The following CNTROB variants were observed in gnomAD, a reference collection of about 807,000 sequenced individuals.
CNTROB encodes centrobin, centriole duplication and spindle assembly protein.
In CNTROB, 82 loss-of-function variants were observed where a neutral mutation model predicts 115.7. The ratio of observed to expected loss-of-function variants is 0.71; its 90% CI spans 0.59 to 0.85. The LOEUF (loss-of-function observed/expected upper bound fraction) is 0.85. Among genes scored for constraint, CNTROB ranks in the 40% least tolerant of loss-of-function variants. The pLI is 0.00. For synonymous variants in CNTROB, 439 were observed against 456.4 expected (o/e 0.96, Z 0.49); for missense variants, 1,014 against 1,144.4 (o/e 0.89, Z 1.64).
At position 7,934,547 on chromosome 17, in the gene CNTROB, G is replaced by T. The variant is rs771681131; in HGVS notation, c.437+1G>T. On this transcript the variant is annotated splice_donor_variant, in intron 3 of 18. Coordinates refer to ENST00000563694, the MANE Select transcript of CNTROB (RefSeq NM_053051.5). LOFTEE classifies it high-confidence loss of function. Reference sequence around the variant, plus strand: ...GTGATAGCACAGCCACCTTGCTCAAGTGAGTTCTCCTTGTGGTTCTCCTAG... The same window carrying T: ...GTGATAGCACAGCCACCTTGCTCAATTGAGTTCTCCTTGTGGTTCTCCTAG... 50 of 1,612,278 alleles carry T rather than the reference G, an allele frequency of 3.1e-5. No homozygotes were observed. The highest frequency in any genetic ancestry group is 4.2e-5 in the Non-Finnish European group (50 of 1,178,432).
intron 1 of CNTROB, 140 bp downstream of exon 1, chr17:7,933,489 G>A (rs1231672588): frequency 3.3e-6 from 3 of 922,214 alleles, no homozygotes; most frequent in Admixed American, 6.0e-5. Flanking sequence ...TGCATAGGCA[G>A]CCATGCTTAT....
In CNTROB at chr17:7,940,228, A is replaced by G. The variant is rs1205317655; in HGVS notation, c.1297A>G (p.Met433Val). The G allele has an allele frequency of 1.2e-6, 2 of 1,608,976 alleles. No homozygotes were observed. Among genetic ancestry groups the G allele is most frequent in the South Asian group, 1.1e-5 (1 of 90,632 alleles). Residue 433 changes from methionine to valine, a missense_variant, in exon 9 of 19, where the codon ATG becomes GTG. Met to Val is a conservative substitution (Grantham distance 21, BLOSUM62 1). Coordinates refer to ENST00000563694, the MANE Select transcript of CNTROB (RefSeq NM_053051.5). ...AGAGAGAGATGCCCTGCAGCTGGAA[A>G]TGAGCTTGGTGCAGGTCAGAAGGCA... ...RRERDALQLE[M>V]SLVQARYESQ...
At chr17:7,936,624 G>T (rs1973213243) in intron 5 of CNTROB, 77 bp from the exon 6 acceptor site, 1 of 805,970 alleles carries the variant, frequency 1.2e-6, no homozygotes, top group Admixed American at 1.7e-5. Context: ...GGAGAAGATG[G>T]CTGTTGACCC....
rs1055022678 is a variant in CNTROB at position 7,936,442 on chromosome 17, C to T, written c.671C>T (p.Ala224Val). The change falls in exon 5 of 19, where the codon GCC becomes GTC. Residue 224 changes from alanine to valine, a missense_variant. Ala to Val is a moderately conservative substitution (Grantham distance 64). Transcript: ENST00000563694. Reference protein sequence around the residue: ...LQQQLAVAVAADRKKDTMIEQ... With the variant: ...LQQQLAVAVAVDRKKDTMIEQ... Reference sequence around the variant, plus strand: ...CAACAATTAGCCGTGGCTGTGGCTGCCGACCGCAAGAAAGATACCATGATT... The same window carrying T: ...CAACAATTAGCCGTGGCTGTGGCTGTCGACCGCAAGAAAGATACCATGATT... The T allele has an allele frequency of 6.4e-7, 1 of 1,557,720 alleles. No individual in the cohort carries two copies. The highest frequency in any genetic ancestry group is 2.2e-5 in the East Asian group (1 of 44,612).
chr17:7,939,609 C>T lies in CNTROB; in HGVS notation c.1024C>T (p.Leu342=). The T allele has an allele frequency of 6.2e-7, 1 of 1,613,974 alleles. No homozygotes were observed. The highest frequency in any genetic ancestry group is 1.1e-5 in the South Asian group (1 of 91,082). ...EERDAARAGQ[L]SEHRELETLR... is the part of the protein sequence containing the mutation. Reference sequence around the variant, plus strand: ...GCGGGATGCAGCTCGGGCTGGGCAACTGAGTGAGCATCGAGAGTTGGAGAC... The same window carrying T: ...GCGGGATGCAGCTCGGGCTGGGCAATTGAGTGAGCATCGAGAGTTGGAGAC... The change falls in exon 8 of 19, where the codon CTG becomes TTG. Residue 342 remains leucine, a synonymous_variant. Transcript: ENST00000563694. This position sits in a 1 kb window ranked among gnomAD's most constrained non-coding sequence, Gnocchi z 4.4.
chr17:7,942,911 C>T (rs1238478611), intron 9 of CNTROB, among the ~76,000 whole-genome samples: 3 of 145,268 alleles, frequency 2.1e-5, no homozygotes, highest in Admixed American at 7.2e-5. Context: ...ATGCCATTCT[C>T]CTGCCTCAGC....
intron 13 of CNTROB, among the ~76,000 whole-genome samples, 188 bp from the exon 14 acceptor site, chr17:7,947,383 C>T (rs1408673933): frequency 6.6e-6 from 1 of 152,140 alleles, no homozygotes; most frequent in Non-Finnish European, 1.5e-5. Flanking sequence ...GCTGTGCCAT[C>T]TCTCAGTCAC....
At chr17:7,937,674 A>G (rs1200946070) in intron 7 of CNTROB, among the ~76,000 whole-genome samples, 1 of 152,084 alleles carries the variant, frequency 6.6e-6, no homozygotes, top group Non-Finnish European at 1.5e-5. Flanking sequence ...ATGGTGGTGC[A>G]TGCCTGTAGT....
chr17:7,947,175 A>AG lies in CNTROB; in HGVS notation c.1994-396_1994-395insG, dbSNP rs1555629474. ...GACTCCATCTCAAAAAAAAAAAAAA[A>AG]AAGAGAGATTAGTTGTAGCACAATT... On this transcript the variant is annotated intron_variant, in intron 13 of 18. Coordinates refer to ENST00000563694, the MANE Select transcript of CNTROB (RefSeq NM_053051.5). Among the ~76,000 whole-genome samples, 171 of 57,062 alleles carry AG rather than the reference A, an allele frequency of 3.0e-3. 4 individuals are homozygous for AG. The highest frequency in any genetic ancestry group is 9.2e-3 in the South Asian group (5 of 544). 37.4% of individuals were successfully genotyped at this position (57,062 alleles called of 152,430 possible). A position where few individuals can be genotyped will look rare whatever the true frequency, so the allele number is the denominator to read the frequency against.
Position 7,949,490 on chromosome 17 carries a change from C to G in CNTROB, c.2692C>G (p.Arg898Gly). 6.2e-7 allele frequency: 1 copy of G among 1,613,108 alleles called. No individual in the cohort carries two copies. The highest frequency in any genetic ancestry group is 8.5e-7 in the Non-Finnish European group (1 of 1,179,472). Reference protein sequence around the residue: ...GHPAPSSMRSRGGVWR With the variant: ...GHPAPSSMRSGGGVWR ...CCCTGCCCCGAGTAGCATGAGGAGC[C>G]GGGGGGGAGTCTGGAGATGAGCCCC... Residue 898 changes from arginine (R) to glycine (G), a missense_variant, in exon 19 of 19, where the codon CGG becomes GGG. Transcript: ENST00000563694.
Position 7,945,711 on chromosome 17 carries a change from G to C in CNTROB, c.1735-17G>C. Reference sequence around the variant, plus strand: ...CTACTGTGCTTTGACCCTTCTTTCTGCCTCTCTCCTGGTCAGGCTCCTCCT... The same window carrying C: ...CTACTGTGCTTTGACCCTTCTTTCTCCCTCTCTCCTGGTCAGGCTCCTCCT... On this transcript the variant is annotated splice_polypyrimidine_tract_variant and intron_variant, in intron 12 of 18. Coordinates refer to ENST00000563694, the MANE Select transcript of CNTROB (RefSeq NM_053051.5). 6.2e-7 allele frequency: 1 copy of C among 1,610,136 alleles called. No individual in the cohort carries two copies. Among genetic ancestry groups the C allele is most frequent in the African/African-American group, 1.3e-5 (1 of 74,814 alleles).
At chr17:7,933,483 T>G in intron 1 of CNTROB, 134 bp downstream of exon 1, 1 of 946,422 alleles carries the variant, frequency 1.1e-6, no homozygotes, top group Non-Finnish European at 1.5e-6. Context: ...TTTAACTGCA[T>G]AGGCAGCCAT....
chr17:7,943,464 G>A lies in CNTROB; in HGVS notation c.1385G>A (p.Arg462Gln), dbSNP rs754330618. The change falls in exon 10 of 19, where the codon CGG becomes CAG. Residue 462 changes from arginine to glutamine, a missense_variant. Transcript: ENST00000563694. The surrounding 1 kb of genome is among the most constrained non-coding windows in gnomAD (Gnocchi z 4.7). ...CAGCTGGAGCAGCGGGTGACAGAGC[G>A]GCTGGCGCAGGCTCAGGAGAGCAGC... The part of the protein sequence containing the change: ...AVQLEQRVTE[R>Q]LAQAQESSLR... 1.9e-5 allele frequency: 31 copies of A among 1,613,606 alleles called. No individual in the cohort carries two copies. The highest frequency in any genetic ancestry group is 4.5e-5 in the East Asian group (2 of 44,886).
chr17:7,945,863 C>G lies in CNTROB; in HGVS notation c.1870C>G (p.Pro624Ala). 6.2e-7 allele frequency: 1 copy of G among 1,614,198 alleles called. No homozygotes were observed. Among genetic ancestry groups the G allele is most frequent in the Non-Finnish European group, 8.5e-7 (1 of 1,180,030 alleles). Residue 624 changes from proline (P) to alanine (A), a missense_variant, in exon 13 of 19, where the codon CCT becomes GCT. Coordinates refer to ENST00000563694, the MANE Select transcript of CNTROB (RefSeq NM_053051.5). ...GAGCCGGGAAGCAAGGGACGAGCTA[C>G]CTGGAGCGCCTCCTGTTCTTTGCAG... ...QQSREARDEL[P>A]GAPPVLCSSS...
intron 13 of CNTROB, 142 bp downstream of exon 13, chr17:7,946,128 T>A (rs1416331989): frequency 4.1e-6 from 3 of 724,356 alleles, no homozygotes; most frequent in Non-Finnish European, 4.7e-6. Flanking sequence ...AGCAGAAATC[T>A]GCTCACATTG....
At chr17:7,935,284 A>ACGAGGTCACG in intron 4 of CNTROB, 139 bp downstream of exon 4, 1 of 1,317,504 alleles carries the variant, frequency 7.6e-7, no homozygotes, top group Non-Finnish European at 1.1e-6. Flanking sequence ...CAGGCGGATC[A>ACGAGGTCACG]CGAGGTCAGG....
chr17:7,942,133 G>T lies in CNTROB; in HGVS notation c.1312-1258G>T, dbSNP rs1973951884. Among the ~76,000 whole-genome samples, 2 of 151,894 alleles carry T rather than the reference G, an allele frequency of 1.3e-5. 1 individual carries two copies. Among genetic ancestry groups the T allele is most frequent in the South Asian group, 4.2e-4 (2 of 4,816 alleles). Reference sequence around the variant, plus strand: ...AATAAAAATATTAGCTGGGTGTTGTGGCACCAGCTTGTAGTCCCAGCTACT... The same window carrying T: ...AATAAAAATATTAGCTGGGTGTTGTTGCACCAGCTTGTAGTCCCAGCTACT... On this transcript the variant is annotated intron_variant, in intron 9 of 18. Coordinates refer to ENST00000563694, the MANE Select transcript of CNTROB (RefSeq NM_053051.5).
intron 7 of CNTROB, among the ~76,000 whole-genome samples, chr17:7,938,328 T>C (rs1041001848): frequency 4.0e-5 from 6 of 151,582 alleles, no homozygotes; most frequent in African/African-American, 1.5e-4. Context: ...CTCTTAGAGC[T>C]GAAATGATAA....
chr17:7,936,177 T>C (rs999524302), intron 4 of CNTROB, 189 bp from the exon 5 acceptor site: 5 of 584,484 alleles, frequency 8.6e-6, no homozygotes, highest in Admixed American at 6.0e-5. Context: ...TACAGAAACA[T>C]GTTGGAGATC....
Sources: gnomAD v4.1 joint callset for allele counts (sites outside exome capture counted in the v4.1 genomes callset) on GRCh38, gnomAD v4.1.1 for gene constraint, Gnocchi (gnomAD v3.1) non-coding constraint, MANE v1.5 for transcripts, NCBI Gene and HGNC (gene_info 2026-07-23, HGNC 2026-07-21) for gene names.